ESYT3: variants seen among roughly 807,000 people sequenced by gnomAD.
ESYT3 encodes the protein extended synaptotagmin-3.
ESYT3 carries 101 observed loss-of-function variants against 111.5 expected under a neutral mutation model. The ratio of observed to expected loss-of-function variants is 0.91; its 90% CI spans 0.77 to 1.07. The LOEUF (loss-of-function observed/expected upper bound fraction) is 1.07. Among genes scored for constraint, ESYT3 ranks in the 50% least tolerant of loss-of-function variants. The pLI is 0.00. For synonymous variants in ESYT3, 416 were observed against 446.8 expected (o/e 0.93, Z 0.87); for missense variants, 1,097 against 1,109.4 (o/e 0.99, Z 0.16).
chr3:138,450,502 C>T (rs988340924), intron 1 of ESYT3, among the ~76,000 whole-genome samples: 4 of 152,182 alleles, frequency 2.6e-5, no homozygotes, highest in African/African-American at 9.7e-5. Context: ...TTTTCTCTTC[C>T]GTACCTGGGA....
chr3:138,467,153 A>C (rs905605526), intron 10 of ESYT3, among the ~76,000 whole-genome samples: 6 of 152,176 alleles, frequency 3.9e-5, no homozygotes, highest in African/African-American at 1.2e-4. Context: ...TATTGACATG[A>C]CTGTGAGAGG....
chr3:138,453,300 G>T (rs1439919178), intron 2 of ESYT3, among the ~76,000 whole-genome samples: 1 of 152,182 alleles, frequency 6.6e-6, no homozygotes, highest in African/African-American at 2.4e-5. Context: ...ATATAAGACT[G>T]TTGGGATATG....
At chr3:138,473,995 AT>A (rs1481852494) in intron 19 of ESYT3, among the ~76,000 whole-genome samples, 1 of 152,208 alleles carries the variant, frequency 6.6e-6, no homozygotes, top group Non-Finnish European at 1.5e-5. Context: ...TATCAAAAAC[AT>A]TCATCTGATA....
In ESYT3 at chr3:138,459,238, T is replaced by C. The variant is rs781357781; in HGVS notation, c.633T>C (p.Gly211=). The change falls in exon 5 of 23, where the codon GGT becomes GGC. Residue 211 remains glycine (G), a synonymous_variant. Coordinates refer to ENST00000389567, the MANE Select transcript of ESYT3 (RefSeq NM_031913.5). ...ISVELQKIQA[G]VNGIQLQGTL... ...TGGAGCTGCAGAAGATTCAGGCTGG[T>C]GTGAACGGGATCCAGGTGGGTGGAG... is the stretch of plus-strand genomic sequence containing the variant. 4 of 1,561,036 alleles carry C rather than the reference T, an allele frequency of 2.6e-6. No individual in the cohort carries two copies. In the Admixed American group the frequency reaches 5.2e-5, roughly 20 times the overall value.
rs375674913 is a variant in ESYT3, at chr3:138,434,822, C to T, written c.24C>T (p.Ala8=). ...AGATGCGAGCAGAGGAGCCCTGCGC[C>T]CCCGGGGCCCCCAGCGCCCTGGGAG... The part of the protein sequence containing the change: MRAEEPC[A]PGAPSALGAQ... Residue 8 remains alanine (A), a synonymous_variant, in exon 1 of 23, where the codon GCC becomes GCT. Transcript: ENST00000389567. 6.4e-7 allele frequency: 1 copy of T among 1,559,262 alleles called. No individual in the cohort carries two copies. Among genetic ancestry groups the T allele is most frequent in the South Asian group, 1.2e-5 (1 of 84,514 alleles).
At position 138,474,260 on chromosome 3, in the gene ESYT3, C is replaced by A. The variant is rs377396398; in HGVS notation, c.2376C>A (p.Tyr792Ter). 1 of 1,609,402 alleles carries A rather than the reference C, an allele frequency of 6.2e-7. No individual in the cohort carries two copies. Among genetic ancestry groups the A allele is most frequent in the Non-Finnish European group, 8.5e-7 (1 of 1,177,788 alleles). ...GTACCAGCAGTGGAGCTGATCCCTACGTCCGTGTCTACTTGTTGCCAGAAA... is the reference window on the plus strand; with the variant it reads ...GTACCAGCAGTGGAGCTGATCCCTAAGTCCGTGTCTACTTGTTGCCAGAAA... ...TPCTSSGADP[Y>*]VRVYLLPERK... The change falls in exon 20 of 23, where the codon TAC (tyrosine) becomes TAA (stop). Residue 792 changes from tyrosine to a stop codon, truncating the protein, a stop_gained. Coordinates refer to ENST00000389567, the MANE Select transcript of ESYT3 (RefSeq NM_031913.5). LOFTEE classifies it high-confidence loss of function.
chr3:138,447,728 C>T (rs1015305141), intron 1 of ESYT3, among the ~76,000 whole-genome samples: 1 of 151,926 alleles, frequency 6.6e-6, no homozygotes, highest in Non-Finnish European at 1.5e-5. Flanking sequence ...ATATACAGGA[C>T]TTTTAGAGAA....
intron 11 of ESYT3, 57 bp downstream of exon 11, chr3:138,467,666 C>T (rs2032999850): frequency 6.6e-6 from 10 of 1,516,978 alleles, no homozygotes; most frequent in Non-Finnish European, 9.1e-6. Context: ...TTCCTGTGGA[C>T]AGCTCCAGCA....
chr3:138,474,111 T>C (rs1427619920), intron 19 of ESYT3, 110 bp from the exon 20 acceptor site: 1 of 1,426,572 alleles, frequency 7.0e-7, no homozygotes, highest in Non-Finnish European at 9.5e-7. Flanking sequence ...TAGCCTTCTC[T>C]CAAATGTTTG....
At chr3:138,447,717 A>T (rs2031636099) in intron 1 of ESYT3, among the ~76,000 whole-genome samples, 1 of 152,218 alleles carries the variant, frequency 6.6e-6, no homozygotes. Flanking sequence ...TCTAACAAAA[A>T]ATATACAGGA....
At chr3:138,447,927 T>A (rs948617210) in intron 1 of ESYT3, among the ~76,000 whole-genome samples, 5 of 151,806 alleles carry the variant, frequency 3.3e-5, no homozygotes, top group South Asian at 2.1e-4. Flanking sequence ...TACAGAACAA[T>A]AAATATCTAC....
chr3:138,474,225 C>G lies in ESYT3; in HGVS notation c.2341C>G (p.Leu781Val). Reference sequence around the variant, plus strand: ...ATGTCTTTGACACCAAATCAGAAACCTAACACCATGTACCAGCAGTGGAGC... The same window carrying G: ...ATGTCTTTGACACCAAATCAGAAACGTAACACCATGTACCAGCAGTGGAGC... ...LSVLINGCRN[L>V]TPCTSSGADP... Residue 781 changes from leucine (L) to valine (V), a missense_variant, in exon 20 of 23, where the codon CTA (leucine) becomes GTA (valine). Physicochemically the swap from Leu to Val is conservative, Grantham distance 32. Transcript: ENST00000389567. 1.9e-6 allele frequency: 3 copies of G among 1,610,536 alleles called. No homozygotes were observed. Among genetic ancestry groups the G allele is most frequent in the Non-Finnish European group, 2.5e-6 (3 of 1,178,672 alleles).
Position 138,457,628 on chromosome 3 carries a change from G to A in ESYT3, c.565G>A (p.Val189Met). ...TACGTGCAACCGAAGACGTGTGACT[G>A]TGGACCTGCAGATCTGGTGAGCTCT... ...TNTCNRRRVT[V>M]DLQICYIGDC... is the part of the protein sequence containing the mutation. The change falls in exon 4 of 23, where the codon GTG becomes ATG. Residue 189 changes from valine to methionine, a missense_variant. Val to Met is a conservative substitution (Grantham distance 21). Coordinates refer to ENST00000389567, the MANE Select transcript of ESYT3 (RefSeq NM_031913.5). 6.2e-7 allele frequency: 1 copy of A among 1,614,224 alleles called. No individual in the cohort carries two copies.
intron 8 of ESYT3, 108 bp downstream of exon 8, chr3:138,462,314 G>A: frequency 6.7e-7 from 1 of 1,481,950 alleles, no homozygotes; most frequent in South Asian, 1.2e-5. Flanking sequence ...ATGCTTGACA[G>A]TCCCAGAAAA....
At position 138,472,772 on chromosome 3, in the gene ESYT3, C is replaced by T. The variant is rs200197086; in HGVS notation, c.2150C>T (p.Pro717Leu). ...TGCCCTGCCTCCCCATTCGCATGGC[C>T]GCCCAAGAGGCTGGCTCCCAGCATG... ...MKCPASPFAW[P>L]PKRLAPSMSS... is the part of the protein sequence containing the mutation. Residue 717 changes from proline (P) to leucine (L), a missense_variant, in exon 18 of 23, where the codon CCG becomes CTG. By Grantham distance (98) the Pro-to-Leu change is moderately conservative. Coordinates refer to ENST00000389567, the MANE Select transcript of ESYT3 (RefSeq NM_031913.5). The T allele has an allele frequency of 6.4e-5, 103 of 1,614,090 alleles. No individual in the cohort carries two copies. The highest frequency in any genetic ancestry group is 1.0e-4 in the Admixed American group (6 of 60,010).
chr3:138,467,420 C>T, intron 10 of ESYT3, 141 bp from the exon 11 acceptor site: 1 of 812,320 alleles, frequency 1.2e-6, no homozygotes, highest in Non-Finnish European at 2.1e-6. Context: ...ATGGTGGTCT[C>T]CCATTGGTTC....
At chr3:138,476,165 G>T in intron 20 of ESYT3, 58 bp from the exon 21 acceptor site, 1 of 1,173,632 alleles carries the variant, frequency 8.5e-7, no homozygotes, top group South Asian at 1.2e-5. Flanking sequence ...AAGCACTTTA[G>T]ATTTTCAAGA....
At position 138,435,085 on chromosome 3, in the gene ESYT3, T is replaced by C; in HGVS notation, c.287T>C (p.Phe96Ser). Residue 96 changes from phenylalanine to serine, a missense_variant, in exon 1 of 23, where the codon TTC becomes TCC. By Grantham distance (155) the Phe-to-Ser change is radical (BLOSUM62 -2). Transcript: ENST00000389567. The surrounding 1 kb of genome is among the most constrained non-coding windows in gnomAD (Gnocchi z 4.8). ...GAATTCCTTGACAATGAACGCGAGT[T>C]CATCAGCCGCGAGCTGCGGGGCCAG... ...AFEFLDNERE[F>S]ISRELRGQHL... 6.3e-7 allele frequency: 1 copy of C among 1,591,644 alleles called. No homozygotes were observed. The highest frequency in any genetic ancestry group is 8.5e-7 in the Non-Finnish European group (1 of 1,171,640).
At chr3:138,454,912 T>C (rs538906658) in intron 2 of ESYT3, among the ~76,000 whole-genome samples, 1 of 152,350 alleles carries the variant, frequency 6.6e-6, no homozygotes, top group East Asian at 1.9e-4. Flanking sequence ...ATAATAAATG[T>C]AGTGAATGAG....
Sources: gnomAD v4.1 joint callset for allele counts (sites outside exome capture counted in the v4.1 genomes callset) on GRCh38, gnomAD v4.1.1 for gene constraint, Gnocchi (gnomAD v3.1) non-coding constraint, MANE v1.5 for transcripts, NCBI Gene and HGNC (gene_info 2026-07-23, HGNC 2026-07-21) for gene names.